PABPC4L: variants seen among roughly 807,000 people sequenced by gnomAD.
The protein encoded by PABPC4L is polyadenylate-binding protein 4-like.
For missense variants in PABPC4L, 452 were observed against 451.4 expected (o/e 1.00, Z -0.01); for synonymous variants, 169 against 164.1 (o/e 1.03, Z -0.23).
At chr4:134,137,260 C>T in the PABPC4L span, among the ~76,000 whole-genome samples, 1 of 152,090 alleles carries the variant, frequency 6.6e-6, no homozygotes, top group Admixed American at 6.6e-5. Context: ...TGATATGTTT[C>T]TCTCCAGATT....
the PABPC4L span, among the ~76,000 whole-genome samples, chr4:134,148,830 T>C: frequency 1.4e-5 from 2 of 147,196 alleles, no homozygotes; most frequent in Non-Finnish European, 3.0e-5. Context: ...TTGAATGACA[T>C]AAGGAGCTCA....
chr4:134,140,938 C>A, the PABPC4L span, among the ~76,000 whole-genome samples: 1 of 151,654 alleles, frequency 6.6e-6, no homozygotes, highest in Non-Finnish European at 1.5e-5. Flanking sequence ...AGGGCTCATT[C>A]TGCTTCAGTG....
At chr4:133,994,955 T>C in the PABPC4L span, among the ~76,000 whole-genome samples, 2 of 152,166 alleles carry the variant, frequency 1.3e-5, no homozygotes, top group Admixed American at 1.3e-4. Context: ...GCAACCTTTT[T>C]AGGGTCTTCT....
chr4:134,007,427 T>C, the PABPC4L span, among the ~76,000 whole-genome samples: 4 of 151,914 alleles, frequency 2.6e-5, 1 homozygote, highest in Middle Eastern at 0.01. Context: ...ACTTCTTTAG[T>C]AACCTTTAAT....
At chr4:134,142,629 G>A in the PABPC4L span, among the ~76,000 whole-genome samples, 2 of 151,424 alleles carry the variant, frequency 1.3e-5, no homozygotes, top group East Asian at 3.9e-4. Context: ...ACAATCTAAT[G>A]AGACATATAG....
At chr4:134,192,228 A>G (rs1729530970), downstream of PABPC4L, among the ~76,000 whole-genome samples, 1 of 152,146 alleles carries the variant, frequency 6.6e-6, no homozygotes, top group Non-Finnish European at 1.5e-5. Flanking sequence ...AACATGGATG[A>G]AACTTTAAAA....
the PABPC4L span, among the ~76,000 whole-genome samples, chr4:134,162,444 G>T: frequency 6.6e-6 from 1 of 152,040 alleles, no homozygotes; most frequent in African/African-American, 2.4e-5. Flanking sequence ...ACTGACAGCA[G>T]TAGACAGATC....
chr4:134,119,040 CTT>C, the PABPC4L span, among the ~76,000 whole-genome samples: 2 of 151,600 alleles, frequency 1.3e-5, no homozygotes, highest in African/African-American at 4.8e-5. Context: ...AATCATGAGT[CTT>C]AATATTATTA....
chr4:134,014,100 G>T, the PABPC4L span, among the ~76,000 whole-genome samples: 1 of 152,012 alleles, frequency 6.6e-6, no homozygotes, highest in African/African-American at 2.4e-5. Flanking sequence ...GGCTCATTTG[G>T]CAGCAACCCT....
rs1729722572 is a variant in PABPC4L at position 134,198,088 on chromosome 4, AT to A, written c.*1818del. On this transcript the variant is annotated 3_prime_UTR_variant, in exon 2 of 2. Transcript: ENST00000421491. ...AGTTTATCAATAAGAAATTAGTTAT[AT>A]TTTGGTACAGTCATTGAACAAAACA... 6.6e-6 allele frequency: 1 copy of A among 151,806 alleles called. No individual in the cohort carries two copies. The highest frequency in any genetic ancestry group is 2.4e-5 in the African/African-American group (1 of 41,436). The allele number at this position is 151,806 out of a possible 1,614,324, so 9.4% of individuals were successfully genotyped here.
the PABPC4L span, among the ~76,000 whole-genome samples, chr4:134,114,844 G>A: frequency 6.6e-6 from 1 of 151,898 alleles, no homozygotes; most frequent in Non-Finnish European, 1.5e-5. Context: ...TCATTAAAAT[G>A]AATTATCATC....
chr4:134,182,539 T>C, the PABPC4L span, among the ~76,000 whole-genome samples: 1 of 151,844 alleles, frequency 6.6e-6, no homozygotes, highest in Non-Finnish European at 1.5e-5. Context: ...ACATAGGACC[T>C]AGCAAAAATT....
At chr4:134,164,724 G>A in the PABPC4L span, among the ~76,000 whole-genome samples, 23 of 151,752 alleles carry the variant, frequency 1.5e-4, no homozygotes, top group African/African-American at 3.9e-4. Context: ...GATTCAATGC[G>A]ATTTCTATCA....
At chr4:134,012,541 C>T in the PABPC4L span, among the ~76,000 whole-genome samples, 1 of 152,142 alleles carries the variant, frequency 6.6e-6, no homozygotes, top group Non-Finnish European at 1.5e-5. Flanking sequence ...TTGGACTCAG[C>T]CCGCCTGCAC....
At chr4:134,009,403 C>T in the PABPC4L span, among the ~76,000 whole-genome samples, 10 of 151,894 alleles carry the variant, frequency 6.6e-5, no homozygotes, top group African/African-American at 2.4e-4. Context: ...ACATGTTTAG[C>T]ACAGTGATAG....
chr4:133,996,683 G>C, the PABPC4L span, among the ~76,000 whole-genome samples: 2 of 152,132 alleles, frequency 1.3e-5, no homozygotes, highest in Non-Finnish European at 2.9e-5. Context: ...CTCTGGCTGA[G>C]GGGTGGATGA....
At chr4:134,100,275 A>G in the PABPC4L span, among the ~76,000 whole-genome samples, 1 of 151,710 alleles carries the variant, frequency 6.6e-6, no homozygotes, top group African/African-American at 2.4e-5. Flanking sequence ...TTCTGATTGA[A>G]TTAAGATTGA....
At chr4:134,091,456 G>T in the PABPC4L span, among the ~76,000 whole-genome samples, 1 of 151,656 alleles carries the variant, frequency 6.6e-6, no homozygotes, top group South Asian at 2.1e-4. Context: ...TTATTCTTTA[G>T]GAACTTTCAT....
chr4:134,156,810 A>G, the PABPC4L span, among the ~76,000 whole-genome samples: 6 of 151,794 alleles, frequency 4.0e-5, no homozygotes, highest in South Asian at 4.1e-4. Context: ...TGCCTTTCCA[A>G]GCCAGTCCTT....
Sources: gnomAD v4.1 joint callset for allele counts (sites outside exome capture counted in the v4.1 genomes callset) on GRCh38, gnomAD v4.1.1 for gene constraint, MANE v1.5 for transcripts, NCBI Gene and HGNC (gene_info 2026-07-23, HGNC 2026-07-21) for gene names.